The following GALNT13 variants were observed in gnomAD, a reference collection of about 807,000 sequenced individuals.
GALNT13 encodes the protein polypeptide N-acetylgalactosaminyltransferase 13.
A neutral mutation model predicts 64.2 loss-of-function variants in GALNT13; 28 were observed. That is an observed-to-expected ratio of 0.44 (90% CI 0.32 to 0.60). The LOEUF (loss-of-function observed/expected upper bound fraction) is 0.60. Ranked by LOEUF, GALNT13 falls within the 20% of genes least tolerant of loss-of-function variation. The probability of loss-of-function intolerance (pLI) is 0.05; values close to 1 mark genes in which losing one functional copy is unlikely to be tolerated. For synonymous variants in GALNT13, 214 were observed against 224.6 expected, an observed-to-expected ratio of 0.95 and a Z score of 0.42; for missense variants, 577 against 669.8, an observed-to-expected ratio of 0.86 and a Z score of 1.53.
the GALNT13 span, among the ~76,000 whole-genome samples, chr2:153,735,087 T>A: frequency 6.6e-6 from 1 of 152,190 alleles, no homozygotes; most frequent in Admixed American, 6.5e-5. Context: ...GCTGCAGGGC[T>A]TCCACTCTGC....
chr2:154,124,653 T>G (rs2105526285), intron 3 of GALNT13, among the ~76,000 whole-genome samples: 1 of 151,194 alleles, frequency 6.6e-6, no homozygotes, highest in South Asian at 2.1e-4. Flanking sequence ...GTAGGGAAAG[T>G]TTAATTAATT....
chr2:153,977,559 C>A (rs1475566602), intron 3 of GALNT13, among the ~76,000 whole-genome samples: 2 of 152,266 alleles, frequency 1.3e-5, no homozygotes, highest in Middle Eastern at 3.4e-3. Flanking sequence ...ATTACCTCCA[C>A]CTGGTCCCTC....
the GALNT13 span, among the ~76,000 whole-genome samples, chr2:153,830,757 A>G: frequency 1.3e-5 from 2 of 152,214 alleles, no homozygotes; most frequent in Admixed American, 6.5e-5. Flanking sequence ...GTTCCTAGGT[A>G]TCATTATCCT....
At chr2:154,188,201 G>A (rs1366917734) in intron 4 of GALNT13, among the ~76,000 whole-genome samples, 6 of 152,052 alleles carry the variant, frequency 3.9e-5, no homozygotes, top group African/African-American at 1.4e-4. Context: ...ATTTGCCTTT[G>A]GTCAGATGAA....
At chr2:153,516,004 GC>G in the GALNT13 span, among the ~76,000 whole-genome samples, 1 of 152,108 alleles carries the variant, frequency 6.6e-6, no homozygotes. Flanking sequence ...AAATCATTCT[GC>G]CTATTGCATA....
intron 2 of GALNT13, among the ~76,000 whole-genome samples, chr2:153,942,680 A>G (rs1319385344): frequency 4.9e-5 from 7 of 141,852 alleles, no homozygotes; most frequent in Admixed American, 6.8e-5. Flanking sequence ...GGATTTACAT[A>G]TATCTCTCCA....
chr2:154,372,248 A>G (rs1439411963), intron 9 of GALNT13, among the ~76,000 whole-genome samples: 2 of 152,106 alleles, frequency 1.3e-5, no homozygotes, highest in South Asian at 4.1e-4. Context: ...TTGTCACACT[A>G]TTTTGAAATT....
intron 3 of GALNT13, among the ~76,000 whole-genome samples, chr2:154,129,630 CTTATATA>C (rs141430209): frequency 2.9e-3 from 433 of 151,816 alleles, no homozygotes; most frequent in Non-Finnish European, 5.1e-3. Flanking sequence ...TTTTTATATC[CTTATATA>C]TTATATATAA....
the GALNT13 span, among the ~76,000 whole-genome samples, chr2:153,819,084 A>C: frequency 6.6e-6 from 1 of 152,080 alleles, no homozygotes. Flanking sequence ...GTAGCATCTG[A>C]TCATTTCTCC....
chr2:153,205,512 C>T, the GALNT13 span, among the ~76,000 whole-genome samples: 2 of 152,002 alleles, frequency 1.3e-5, no homozygotes, highest in Non-Finnish European at 2.9e-5. Flanking sequence ...CAGAGTTGTG[C>T]CTGTCTCATA....
intron 2 of GALNT13, among the ~76,000 whole-genome samples, chr2:153,938,273 G>A (rs190059959): frequency 8.5e-5 from 13 of 152,222 alleles, no homozygotes; most frequent in Admixed American, 6.5e-4. Context: ...ATTTAACATG[G>A]CAGTATGCAA....
the GALNT13 span, among the ~76,000 whole-genome samples, chr2:153,588,526 A>T: frequency 6.6e-6 from 1 of 152,276 alleles, no homozygotes; most frequent in East Asian, 1.9e-4. Flanking sequence ...CCCAAGCTCT[A>T]CTTTGCCCCT....
At chr2:153,676,221 G>A in the GALNT13 span, among the ~76,000 whole-genome samples, 8 of 152,060 alleles carry the variant, frequency 5.3e-5, no homozygotes, top group African/African-American at 1.7e-4. Context: ...AACCCTCAGA[G>A]ATTATTATGA....
rs1695868318 is a variant in GALNT13 at position 154,343,145 on chromosome 2, A to C, written c.1156+41556A>C. ...AACCCTGTCCTGCCCTTTGGAGCTA[A>C]ACATGGGGGCATCAGCTCTCGTTCC... On this transcript the variant is annotated intron_variant, in intron 9 of 12. Coordinates refer to ENST00000392825, the MANE Select transcript of GALNT13 (RefSeq NM_052917.4). Among the ~76,000 whole-genome samples the C allele has an allele frequency of 3.3e-5, 5 of 152,058 alleles. No individual in the cohort carries two copies. The South Asian group carries it at 1.0e-3, about 32-fold the overall frequency.
intron 10 of GALNT13, among the ~76,000 whole-genome samples, chr2:154,402,672 T>G (rs917548736): frequency 6.6e-5 from 10 of 152,236 alleles, no homozygotes; most frequent in African/African-American, 9.6e-5. Flanking sequence ...TGAAGAATTT[T>G]TAATGGATAA....
chr2:153,291,956 C>T, the GALNT13 span, among the ~76,000 whole-genome samples: 1 of 151,946 alleles, frequency 6.6e-6, no homozygotes, highest in African/African-American at 2.4e-5. Context: ...AATACTTTCC[C>T]CAAAAGGAGA....
chr2:153,982,698 A>G (rs1252103428), intron 3 of GALNT13, among the ~76,000 whole-genome samples: 1 of 152,000 alleles, frequency 6.6e-6, no homozygotes, highest in Non-Finnish European at 1.5e-5. Flanking sequence ...TGTAACTTCT[A>G]CCTTGATGTT....
chr2:153,364,264 A>G, the GALNT13 span, among the ~76,000 whole-genome samples: 1 of 152,154 alleles, frequency 6.6e-6, no homozygotes, highest in East Asian at 1.9e-4. Context: ...GTTTATGACA[A>G]ATCCACAGCC....
At chr2:154,424,434 C>G (rs752495912) in intron 11 of GALNT13, among the ~76,000 whole-genome samples, 6 of 152,070 alleles carry the variant, frequency 3.9e-5, no homozygotes, top group Admixed American at 2.0e-4. Context: ...TTTAAATGAC[C>G]ACTGTCTTTC....
Sources: allele counts gnomAD v4.1 joint callset (sites outside exome capture counted in the v4.1 genomes callset), GRCh38; gene constraint gnomAD v4.1.1; transcripts MANE v1.5; gene names NCBI Gene and HGNC (gene_info 2026-07-23, HGNC 2026-07-21).